GREB1L: variants seen among roughly 807,000 people sequenced by gnomAD.
The protein encoded by GREB1L is GREB1-like protein.
Under a neutral mutation model 200.8 loss-of-function variants are expected in GREB1L, and 17 were observed. The observed-to-expected ratio is 0.08, with a 90% confidence interval of 0.06 to 0.13. The LOEUF is 0.13. Among genes scored for constraint, GREB1L ranks in the 10% least tolerant of loss-of-function variants. GREB1L has a pLI of 1.00. For synonymous variants in GREB1L, 789 were observed against 893.0 expected (o/e 0.88, Z 2.08); for missense variants, 1,657 against 2,367.7 (o/e 0.70, Z 6.23).
intron 4 of GREB1L, among the ~76,000 whole-genome samples, chr18:21,388,483 T>TC: frequency 6.6e-6 from 1 of 151,320 alleles, no homozygotes; most frequent in African/African-American, 2.4e-5. Context: ...TGTTCCAGTA[T>TC]CCCATCCAGG....
In GREB1L at chr18:21,496,577, T is replaced by A; in HGVS notation, c.3270T>A (p.Val1090=). The part of the protein sequence containing the change: ...VSKEVIRGPT[V]ALDLSGKEQE... ...AAGAGGTCATCCGGGGACCCACTGT[T>A]GCCCTGGACCTCAGCGGGAAGGAGC... Residue 1090 remains valine (V), a synonymous_variant, in exon 21 of 33, where the codon GTT becomes GTA. Transcript: ENST00000424526. 6.4e-7 allele frequency: 1 copy of A among 1,551,700 alleles called. No individual in the cohort carries two copies. The highest frequency in any genetic ancestry group is 1.4e-5 in the African/African-American group (1 of 73,166).
At chr18:21,471,795 A>AT (rs1425474090) in intron 15 of GREB1L, among the ~76,000 whole-genome samples, 1 of 151,446 alleles carries the variant, frequency 6.6e-6, no homozygotes, top group African/African-American at 2.4e-5. Context: ...TAATGTTTGT[A>AT]TTTTTTATAG....
At chr18:21,513,196 A>G (rs1257243991) in intron 27 of GREB1L, among the ~76,000 whole-genome samples, 1 of 152,210 alleles carries the variant, frequency 6.6e-6, no homozygotes, top group Admixed American at 6.5e-5. Context: ...ATTCAAAATC[A>G]GACAGTTTGG....
intron 7 of GREB1L, among the ~76,000 whole-genome samples, chr18:21,438,407 G>A (rs2033679140): frequency 1.3e-5 from 2 of 152,042 alleles, no homozygotes; most frequent in South Asian, 4.2e-4. Flanking sequence ...GCTCACACCT[G>A]TAATCCCAAC....
At chr18:21,397,341 G>A (rs1357717079) in intron 5 of GREB1L, among the ~76,000 whole-genome samples, 1 of 151,096 alleles carries the variant, frequency 6.6e-6, no homozygotes, top group Non-Finnish European at 1.5e-5. Flanking sequence ...AAAAAACCCC[G>A]TCTCTACTAA....
intron 4 of GREB1L, among the ~76,000 whole-genome samples, chr18:21,392,262 T>TC: frequency 6.6e-6 from 1 of 152,348 alleles, no homozygotes; most frequent in Non-Finnish European, 1.5e-5. Context: ...AAGTGCTCCA[T>TC]AAGTTTTAGC....
At chr18:21,383,729 T>G in intron 3 of GREB1L, 54 bp downstream of exon 3, 2 of 1,515,040 alleles carry the variant, frequency 1.3e-6, no homozygotes, top group Non-Finnish European at 1.8e-6. Flanking sequence ...TTTTGTTTTT[T>G]TGAGATGGAG....
intron 20 of GREB1L, 71 bp downstream of exon 20, chr18:21,495,856 T>C: frequency 1.3e-6 from 1 of 791,028 alleles, no homozygotes; most frequent in Non-Finnish European, 2.1e-6. Flanking sequence ...ACTTGGCTGA[T>C]GGCCCAGTCA....
In GREB1L at chr18:21,479,724, T is replaced by C. The variant is rs963165532; in HGVS notation, c.2556+2368T>C. Among the ~76,000 whole-genome samples the C allele has an allele frequency of 1.1e-4, 17 of 152,044 alleles. 1 individual carries two copies. The highest frequency in any genetic ancestry group is 3.9e-4 in the Admixed American group (6 of 15,250). The stretch of plus-strand genomic sequence containing the variant: ...TTAAGGAAGTGATTAATTTTTAAGG[T>C]TTAATAATGGTATTACAGTTATTTA... On this transcript the variant is annotated intron_variant, in intron 17 of 32. Transcript: ENST00000424526.
chr18:21,284,961 G>C (rs2038331008), intron 1 of GREB1L, among the ~76,000 whole-genome samples: 1 of 151,852 alleles, frequency 6.6e-6, no homozygotes, highest in African/African-American at 2.4e-5. Context: ...CTGCTTATTG[G>C]CCATTTATAT....
chr18:21,469,350 T>G (rs1314400509), intron 15 of GREB1L, among the ~76,000 whole-genome samples: 6 of 152,200 alleles, frequency 3.9e-5, no homozygotes, highest in Non-Finnish European at 5.9e-5. Context: ...TCATTATTAT[T>G]TTGCTCAAAT....
At chr18:21,402,217 C>T (rs1265267097) in intron 6 of GREB1L, among the ~76,000 whole-genome samples, 1 of 151,996 alleles carries the variant, frequency 6.6e-6, no homozygotes, top group Non-Finnish European at 1.5e-5. Context: ...TTACTTTTCT[C>T]AGAAAAATCA....
chr18:21,436,654 C>T, intron 7 of GREB1L, among the ~76,000 whole-genome samples: 1 of 139,462 alleles, frequency 7.2e-6, no homozygotes, highest in South Asian at 2.3e-4. Context: ...AGATAGAATC[C>T]CAGAAAAGTT....
At chr18:21,386,771 C>T (rs994033483) in intron 4 of GREB1L, among the ~76,000 whole-genome samples, 3 of 152,092 alleles carry the variant, frequency 2.0e-5, no homozygotes, top group South Asian at 4.1e-4. Context: ...TCCCAAAGTG[C>T]TAGGATTACA....
intron 2 of GREB1L, among the ~76,000 whole-genome samples, chr18:21,368,149 T>C (rs2039743890): frequency 6.6e-6 from 1 of 152,250 alleles, no homozygotes; most frequent in African/African-American, 2.4e-5. Flanking sequence ...CTACTACTTG[T>C]GTGTGATTTG....
At chr18:21,321,064 C>T (rs568499483) in intron 1 of GREB1L, among the ~76,000 whole-genome samples, 53 of 152,162 alleles carry the variant, frequency 3.5e-4, no homozygotes, top group African/African-American at 1.2e-3. Flanking sequence ...GAGGCTGAGG[C>T]GGATGGATCA....
intron 11 of GREB1L, among the ~76,000 whole-genome samples, chr18:21,448,658 C>G (rs1375145320): frequency 6.6e-6 from 1 of 152,194 alleles, no homozygotes; most frequent in Non-Finnish European, 1.5e-5. Context: ...GTTCACACAG[C>G]AAAAGAAATG....
chr18:21,428,196 C>CAAAAAA (rs60750456), intron 7 of GREB1L, among the ~76,000 whole-genome samples: 3 of 48,168 alleles, frequency 6.2e-5, no homozygotes, highest in Non-Finnish European at 1.1e-4. Context: ...GACTCCGTCT[C>CAAAAAA]AAAAAAAAAA....
intron 18 of GREB1L, among the ~76,000 whole-genome samples, chr18:21,486,829 G>A (rs8098768): frequency 0.99 from 151,160 of 152,314 alleles, 75,024 homozygotes; most frequent in East Asian, 1. Flanking sequence ...TTATTTTATG[G>A]GGCAAATTCT....
Sources: gnomAD v4.1 joint callset for allele counts (sites outside exome capture counted in the v4.1 genomes callset) on GRCh38, gnomAD v4.1.1 for gene constraint, MANE v1.5 for transcripts, NCBI Gene and HGNC (gene_info 2026-07-23, HGNC 2026-07-21) for gene names.